Variants in ITGA5 observed in about 807,000 individuals in gnomAD.
ITGA5 encodes integrin subunit alpha 5.
A neutral mutation model predicts 146.3 loss-of-function variants in ITGA5; 55 were observed. That is an observed-to-expected ratio of 0.38 (90% CI 0.30 to 0.47). The LOEUF (loss-of-function observed/expected upper bound fraction) is 0.47. ITGA5 is among the 20% of genes least tolerant of loss of function. The pLI, the probability that ITGA5 is intolerant of heterozygous loss-of-function variation, is 0.99. For synonymous variants in ITGA5, 500 were observed against 531.8 expected, an observed-to-expected ratio of 0.94 and a Z score of 0.82; for missense variants, 1,131 against 1,329.0, an observed-to-expected ratio of 0.85 and a Z score of 2.32.
intron 1 of ITGA5, among the ~76,000 whole-genome samples, chr12:54,417,512 A>G (rs1335619149): frequency 6.6e-6 from 1 of 151,970 alleles, no homozygotes; most frequent in African/African-American, 2.4e-5. Context: ...GACCTTGAAT[A>G]GCCCAGAACA....
chr12:54,410,814 C>T (rs917297681), intron 2 of ITGA5, among the ~76,000 whole-genome samples: 2 of 152,014 alleles, frequency 1.3e-5, no homozygotes, highest in African/African-American at 4.8e-5. Context: ...GCAATCTCTG[C>T]CTCCTGAGTT....
At position 54,398,804 on chromosome 12, in the gene ITGA5, A is replaced by G. The variant is rs1592283388; in HGVS notation, c.2842-106T>C. 31 of 500,534 alleles carry G rather than the reference A, an allele frequency of 6.2e-5. No homozygotes were observed. In the South Asian group the frequency reaches 8.9e-4, roughly 14 times the overall value. 31.0% of individuals were successfully genotyped at this position (500,534 alleles called of 1,614,324 possible). A position where few individuals can be genotyped will look rare whatever the true frequency, so the allele number is the denominator to read the frequency against. On this transcript the variant is annotated intron_variant, in intron 27 of 29. Coordinates refer to ENST00000293379, the MANE Select transcript of ITGA5 (RefSeq NM_002205.5). ...TGTGATCTTTCCCTATTTTGGGCTCATTCTTCCTGAGTCTCTCTCTCTCTC... is the reference window on the plus strand; with the variant it reads ...TGTGATCTTTCCCTATTTTGGGCTCGTTCTTCCTGAGTCTCTCTCTCTCTC...
chr12:54,415,012 G>C (rs1174852022), intron 1 of ITGA5, among the ~76,000 whole-genome samples: 1 of 152,176 alleles, frequency 6.6e-6, no homozygotes, highest in East Asian at 1.9e-4. Flanking sequence ...GCTGGGCGTG[G>C]TGGCACATGC....
At chr12:54,404,566 T>G (rs943475891) in intron 13 of ITGA5, 91 bp from the exon 14 acceptor site, 2 of 1,534,032 alleles carry the variant, frequency 1.3e-6, no homozygotes, top group Non-Finnish European at 1.8e-6. Context: ...CTCAGGGAGG[T>G]TGAAGTGAGA....
At chr12:54,399,356 C>T (rs1955757813) in intron 27 of ITGA5, among the ~76,000 whole-genome samples, 1 of 152,206 alleles carries the variant, frequency 6.6e-6, no homozygotes, top group Non-Finnish European at 1.5e-5. Context: ...TACCTCTCCA[C>T]TATGGATTCA....
intron 9 of ITGA5, among the ~76,000 whole-genome samples, chr12:54,407,182 A>G (rs1285220626): frequency 1.3e-5 from 2 of 152,260 alleles, no homozygotes; most frequent in Non-Finnish European, 2.9e-5. Context: ...ATACTTGATT[A>G]GAAGCATCTT....
Position 54,402,205 on chromosome 12 carries a change from T to TACTC in ITGA5, c.2104_2107dup (p.Tyr703Ter). On this transcript the variant is annotated stop_gained and frameshift_variant, in exon 20 of 30. Transcript: ENST00000293379. LOFTEE classifies it high-confidence loss of function. ...CCCTGGGTGTCTGACGAGTCCTGAG[T>TACTC]ACTCAGCCTCTGGAGGGGCGGTGAC... is the stretch of plus-strand genomic sequence containing the variant. 6.2e-7 allele frequency: 1 copy of TACTC among 1,613,890 alleles called. No homozygotes were observed. The highest frequency in any genetic ancestry group is 8.5e-7 in the Non-Finnish European group (1 of 1,179,900).
rs148483027 is a variant in ITGA5 at position 54,403,296 on chromosome 12, G to A, written c.1805C>T (p.Ser602Leu). 6 of 1,541,978 alleles carry A rather than the reference G, an allele frequency of 3.9e-6. No individual in the cohort carries two copies. The highest frequency in any genetic ancestry group is 1.4e-5 in the African/African-American group (1 of 72,142). Residue 602 changes from serine (S) to leucine (L), a missense_variant, in exon 18 of 30, where the codon TCG (serine) becomes TTG (leucine). By Grantham distance (145) the Ser-to-Leu change is moderately radical. This residue lies in a region of ITGA5 where 889 missense variants were observed against 1,021.5 expected (regional missense o/e 0.87). Transcript: ENST00000293379. The surrounding 1 kb of genome is among the most constrained non-coding windows in gnomAD (Gnocchi z 4.9). ...RNESEFRDKLSPIHIALNFSL... is the reference protein window; with the variant it reads ...RNESEFRDKLLPIHIALNFSL... ...GAAGTTGAGAGCGATGTGAATCGGC[G>A]AGAGTTTGTCTCGAAATTCTGACTC...
chr12:54,418,334 T>G (rs1956033069), intron 1 of ITGA5, among the ~76,000 whole-genome samples: 1 of 151,222 alleles, frequency 6.6e-6, no homozygotes, highest in East Asian at 2.0e-4. Flanking sequence ...TCCCCTCGCC[T>G]GAACAGAGAT....
Position 54,404,802 on chromosome 12 carries a change from A to C in ITGA5, c.1318T>G (p.Ser440Ala), listed in dbSNP as rs772093582. Residue 440 changes from serine (S) to alanine (A), a missense_variant, in exon 13 of 30, where the codon TCC (serine) becomes GCC (alanine). By Grantham distance (99) the Ser-to-Ala change is moderately conservative (BLOSUM62 1). Transcript: ENST00000293379. ...GCCCACAGGGGCTGCAGAACCTGGG[A>C]AGGCTTAGAGCCCAGCCCTCCTGGG... ...GGPGGLGSKP[S>A]QVLQPLWAAS... 6 of 1,613,884 alleles carry C rather than the reference A, an allele frequency of 3.7e-6. No individual in the cohort carries two copies. The highest frequency in any genetic ancestry group is 2.5e-6 in the Non-Finnish European group (3 of 1,179,932).
chr12:54,405,763 A>G, intron 10 of ITGA5, 47 bp from the exon 11 acceptor site: 1 of 1,608,132 alleles, frequency 6.2e-7, no homozygotes, highest in South Asian at 1.1e-5. Context: ...AGAAGGTTCA[A>G]TCCACAGGAT....
At position 54,409,688 on chromosome 12, in the gene ITGA5, A is replaced by C; in HGVS notation, c.350-91T>G. 1.3e-6 allele frequency: 1 copy of C among 752,660 alleles called. No homozygotes were observed. The highest frequency in any genetic ancestry group is 2.2e-6 in the Non-Finnish European group (1 of 457,840). 46.6% of individuals were successfully genotyped at this position (752,660 alleles called of 1,614,324 possible). On this transcript the variant is annotated intron_variant, in intron 2 of 29. Transcript: ENST00000293379. This position sits in a 1 kb window ranked among gnomAD's most constrained non-coding sequence, Gnocchi z 4.7. ...CCCTCAGCCTGGGGATACCCAACAA[A>C]CGCTTCCAAGCCCTGAGACTCCATG...
At chr12:54,397,540 T>C in intron 28 of ITGA5, 53 bp from the exon 29 acceptor site, 3 of 1,605,270 alleles carry the variant, frequency 1.9e-6, no homozygotes, top group Non-Finnish European at 2.6e-6. Flanking sequence ...CTTTCTACCC[T>C]ATACTTGGCC....
Position 54,408,255 on chromosome 12 carries a change from G to A in ITGA5, c.692-20C>T, listed in dbSNP as rs1302992872. 4 of 1,612,790 alleles carry A rather than the reference G, an allele frequency of 2.5e-6. No individual in the cohort carries two copies. Among genetic ancestry groups the A allele is most frequent in the African/African-American group, 2.7e-5 (2 of 74,888 alleles). On this transcript the variant is annotated intron_variant, in intron 6 of 29. Coordinates refer to ENST00000293379, the MANE Select transcript of ITGA5 (RefSeq NM_002205.5). ...TCTGGCCTGGAGAGAGTATGAAGAG[G>A]GAGTAGATGGAGAGGAAGTGGCAGA...
Position 54,399,853 on chromosome 12 carries a change from G to A in ITGA5, c.2727+11C>T. The A allele has an allele frequency of 6.2e-7, 1 of 1,613,440 alleles. No homozygotes were observed. Among genetic ancestry groups the A allele is most frequent in the Non-Finnish European group, 8.5e-7 (1 of 1,179,392 alleles). ...CACTTTGGTCCACACCTCATTCCCT[G>A]CCTGACTTACCAGGATCTGAGGTCC... On this transcript the variant is annotated intron_variant, in intron 26 of 29. Coordinates refer to ENST00000293379, the MANE Select transcript of ITGA5 (RefSeq NM_002205.5).
chr12:54,414,568 C>T (rs1481016469), intron 1 of ITGA5, among the ~76,000 whole-genome samples: 1 of 152,158 alleles, frequency 6.6e-6, no homozygotes, highest in Non-Finnish European at 1.5e-5. Context: ...AGAAAAGCGC[C>T]AGGTGCGGTG....
At chr12:54,404,962 AC>A (rs1955843784) in intron 12 of ITGA5, 68 bp from the exon 13 acceptor site, 2 of 1,335,574 alleles carry the variant, frequency 1.5e-6, no homozygotes, top group East Asian at 2.5e-5. Flanking sequence ...CTACTACCAG[AC>A]CCCAGGACCT....
rs760414724 is a variant in ITGA5, at chr12:54,403,791, G to T, written c.1622-12C>A. 1.2e-6 allele frequency: 2 copies of T among 1,613,424 alleles called. No homozygotes were observed. The highest frequency in any genetic ancestry group is 1.7e-6 in the Non-Finnish European group (2 of 1,179,446). On this transcript the variant is annotated splice_polypyrimidine_tract_variant and intron_variant, in intron 16 of 29. Transcript: ENST00000293379. The surrounding 1 kb of genome is among the most constrained non-coding windows in gnomAD (Gnocchi z 4.9). ...TTCCACTGTGAAACCTGAAGCCAGGGACATATAAAGGGAAACTGCCTGTCT... is the reference window on the plus strand; with the variant it reads ...TTCCACTGTGAAACCTGAAGCCAGGTACATATAAAGGGAAACTGCCTGTCT...
chr12:54,406,830 A>G (rs552762662), intron 9 of ITGA5, among the ~76,000 whole-genome samples: 3 of 152,114 alleles, frequency 2.0e-5, no homozygotes, highest in Admixed American at 2.0e-4. Flanking sequence ...TGACTCCCCA[A>G]ACTTGTTACC....
Sources: gnomAD v4.1 joint callset for allele counts (sites outside exome capture counted in the v4.1 genomes callset) on GRCh38, gnomAD v4.1.1 for gene constraint, gnomAD v4.1.1 regional missense constraint, Gnocchi (gnomAD v3.1) non-coding constraint, MANE v1.5 for transcripts, NCBI Gene and HGNC (gene_info 2026-07-23, HGNC 2026-07-21) for gene names.